Variants in CD44 observed in about 807,000 individuals in gnomAD.
CD44 encodes CD44 antigen.
In CD44, 49 loss-of-function variants were observed where a neutral mutation model predicts 88.8. The ratio of observed to expected loss-of-function variants is 0.55; its 90% confidence interval spans 0.44 to 0.70. The LOEUF (loss-of-function observed/expected upper bound fraction) is 0.70, where lower values mean the gene tolerates loss of function less well. Among genes scored for constraint, CD44 ranks in the 30% least tolerant of loss-of-function variants. The pLI, the probability that CD44 is intolerant of heterozygous loss-of-function variation, is 0.00. For synonymous variants in CD44, 325 were observed against 312.3 expected, an observed-to-expected ratio of 1.04 and a Z score of -0.43; for missense variants, 883 against 913.8, an observed-to-expected ratio of 0.97 and a Z score of 0.43.
In CD44 at chr11:35,183,609, A is replaced by G. The variant is rs577861831; in HGVS notation, c.367+3202A>G. ...AGCTTGATCTTAGTAGATAGCTTCCATAAGCTTAAGTTTTAGCAGTATTTT... is the reference window on the plus strand; with the variant it reads ...AGCTTGATCTTAGTAGATAGCTTCCGTAAGCTTAAGTTTTAGCAGTATTTT... On this transcript the variant is annotated intron_variant, in intron 3 of 17. Transcript: ENST00000428726. Among the ~76,000 whole-genome samples the G allele has an allele frequency of 3.0e-4, 46 of 152,344 alleles. No individual in the cohort carries two copies. The South Asian group carries it at 9.1e-3, about 30-fold the overall frequency.
At chr11:35,211,565 A>T (rs1948392240) in intron 14 of CD44, 116 bp downstream of exon 14, 1 of 705,894 alleles carries the variant, frequency 1.4e-6, no homozygotes, top group Non-Finnish European at 2.4e-6. Flanking sequence ...TGTGATATGG[A>T]AATATCTTTC....
At chr11:35,223,992 C>A (rs984437764) in intron 17 of CD44, among the ~76,000 whole-genome samples, 1 of 152,104 alleles carries the variant, frequency 6.6e-6, no homozygotes, top group African/African-American at 2.4e-5. Flanking sequence ...AGGTAAAAAA[C>A]AAAAAGAGTA....
At position 35,177,640 on chromosome 11, in the gene CD44, C is replaced by T. The variant is rs187202474; in HGVS notation, c.233+900C>T. On this transcript the variant is annotated intron_variant, in intron 2 of 17. Coordinates refer to ENST00000428726, the MANE Select transcript of CD44 (RefSeq NM_000610.4). The stretch of plus-strand genomic sequence containing the variant: ...TGAAAAGTCAAGCTGCAGAACTCTA[C>T]GGAAACCATGAAGTGTAAGTTAAGT... 6.6e-5 allele frequency among the ~76,000 whole-genome samples: 10 copies of T among 152,304 alleles called. 1 individual carries two copies. The highest frequency in any genetic ancestry group is 1.3e-4 in the Admixed American group (2 of 15,306).
At chr11:35,142,950 A>G (rs1858292866) in intron 1 of CD44, among the ~76,000 whole-genome samples, 1 of 152,040 alleles carries the variant, frequency 6.6e-6, no homozygotes, top group African/African-American at 2.4e-5. Context: ...ACTTGTTAAG[A>G]TATTAGGGCA....
chr11:35,191,976 C>G (rs1206829088), intron 5 of CD44, among the ~76,000 whole-genome samples: 2 of 152,208 alleles, frequency 1.3e-5, no homozygotes, highest in Non-Finnish European at 1.5e-5. Flanking sequence ...CTGAGGTCTT[C>G]TGTATGCCAG....
intron 2 of CD44, chr11:35,176,986 G>T: frequency 2.3e-6 from 1 of 440,112 alleles, no homozygotes; most frequent in East Asian, 4.1e-5. Flanking sequence ...CTCTCGGCTG[G>T]AATCCTCTTG....
intron 7 of CD44, among the ~76,000 whole-genome samples, chr11:35,199,885 G>A (rs1182220549): frequency 7.1e-6 from 1 of 140,462 alleles, no homozygotes; most frequent in Non-Finnish European, 1.5e-5. Context: ...AGATCTACCT[G>A]TAAATGAATT....
intron 1 of CD44, among the ~76,000 whole-genome samples, chr11:35,166,250 T>C (rs1943246867): frequency 6.6e-6 from 1 of 151,942 alleles, no homozygotes; most frequent in Non-Finnish European, 1.5e-5. Context: ...CACACAGGGG[T>C]GGGTACTGTG....
intron 1 of CD44, among the ~76,000 whole-genome samples, chr11:35,153,995 G>A (rs1298218238): frequency 6.6e-6 from 1 of 152,192 alleles, no homozygotes; most frequent in African/African-American, 2.4e-5. Context: ...CCCTGTAATA[G>A]TGGTGGGAAG....
chr11:35,222,598 AAT>A (rs55982807), intron 17 of CD44: 81,908 of 521,186 alleles, frequency 0.16, 2,596 homozygotes, highest in Admixed American at 0.17. Flanking sequence ...TTTTATATAT[AAT>A]ATATATATAT....
chr11:35,166,085 G>C (rs1378351599), intron 1 of CD44, among the ~76,000 whole-genome samples: 1 of 152,120 alleles, frequency 6.6e-6, no homozygotes, highest in Non-Finnish European at 1.5e-5. Context: ...TTTTCTACTT[G>C]CAAGAGGAAA....
intron 15 of CD44, chr11:35,219,093 C>G (rs1156583845): frequency 1.8e-6 from 1 of 543,702 alleles, no homozygotes; most frequent in Non-Finnish European, 3.3e-6. Flanking sequence ...GCTGAGAATT[C>G]TCATGTTCCT....
intron 1 of CD44, among the ~76,000 whole-genome samples, chr11:35,145,545 G>A (rs1858960662): frequency 6.6e-6 from 1 of 152,060 alleles, no homozygotes; most frequent in African/African-American, 2.4e-5. Flanking sequence ...GCTAAAGACA[G>A]GGTTACTAGA....
intron 10 of CD44, chr11:35,205,867 G>T: frequency 3.5e-6 from 4 of 1,134,204 alleles, no homozygotes; most frequent in Non-Finnish European, 4.3e-6. Context: ...TTTCTGCACT[G>T]CGGGAGTTGT....
intron 4 of CD44, 47 bp downstream of exon 4, chr11:35,186,947 A>T (rs748876826): frequency 8.8e-7 from 1 of 1,132,942 alleles, no homozygotes; most frequent in Non-Finnish European, 1.3e-6. Context: ...TTTTGGGGAA[A>T]GGGCTCAGGT....
At chr11:35,151,266 C>T (rs1052798933) in intron 1 of CD44, among the ~76,000 whole-genome samples, 5 of 152,002 alleles carry the variant, frequency 3.3e-5, no homozygotes, top group Non-Finnish European at 5.9e-5. Flanking sequence ...GAGATGAGGT[C>T]GGACAGATTC....
chr11:35,216,534 T>C (rs1003676798), intron 15 of CD44, among the ~76,000 whole-genome samples: 2 of 152,204 alleles, frequency 1.3e-5, no homozygotes, highest in African/African-American at 2.4e-5. Flanking sequence ...TTAGAAATGC[T>C]TCTGAAATAG....
At chr11:35,181,905 T>TAGTATATATTATATATTATATATA (rs1291148360) in intron 3 of CD44, among the ~76,000 whole-genome samples, 1 of 66,106 alleles carries the variant, frequency 1.5e-5, no homozygotes, top group Non-Finnish European at 2.6e-5. Flanking sequence ...ATATAATATA[T>TAGTATATATTATATATTATATATA]AATATATATT....
chr11:35,144,211 C>T (rs753510269), intron 1 of CD44, among the ~76,000 whole-genome samples: 2 of 152,216 alleles, frequency 1.3e-5, no homozygotes, highest in Admixed American at 6.5e-5. Flanking sequence ...CTGGCTGGGG[C>T]TGGGGCTGGG....
Sources: gnomAD v4.1 joint callset for allele counts (sites outside exome capture counted in the v4.1 genomes callset) on GRCh38, gnomAD v4.1.1 for gene constraint, MANE v1.5 for transcripts, NCBI Gene and HGNC (gene_info 2026-07-23, HGNC 2026-07-21) for gene names.